Variants in TBR1 observed in about 807,000 individuals in gnomAD.
TBR1 encodes the protein T-box brain transcription factor 1.
TBR1 carries 7 observed loss-of-function variants against 60.3 expected under a neutral mutation model. The observed-to-expected ratio is 0.12, with a 90% confidence interval of 0.07 to 0.22. The LOEUF (loss-of-function observed/expected upper bound fraction) is 0.22, where lower values mean the gene tolerates loss of function less well. Among genes scored for constraint, TBR1 ranks in the 10% least tolerant of loss-of-function variants. The probability of loss-of-function intolerance (pLI) is 1.00; values close to 1 mark genes in which losing one functional copy is unlikely to be tolerated. For synonymous variants in TBR1, 417 were observed against 409.9 expected (o/e 1.02, Z -0.21); for missense variants, 616 against 936.8 (o/e 0.66, Z 4.47).
rs1574152292 is a variant in TBR1 at position 161,423,454 on chromosome 2, G to A, written c.1276G>A (p.Ala426Thr). 3 of 1,606,094 alleles carry A rather than the reference G, an allele frequency of 1.9e-6. No individual in the cohort carries two copies. In the East Asian group the frequency reaches 6.8e-5, roughly 36 times the overall value. The change falls in exon 6 of 6, where the codon GCC (alanine) becomes ACC (threonine). Residue 426 changes from alanine (A) to threonine (T), a missense_variant. Ala to Thr is a moderately conservative substitution (Grantham distance 58). Transcript: ENST00000389554. Reference sequence around the variant, plus strand: ...GCAGATCGTGCCCGGGGCCCGCTACGCCATGGCCGGCTCTTTCCTGCAGGA... The same window carrying A: ...GCAGATCGTGCCCGGGGCCCGCTACACCATGGCCGGCTCTTTCCTGCAGGA... ...RSQIVPGARYAMAGSFLQDQF... is the reference protein window; with the variant it reads ...RSQIVPGARYTMAGSFLQDQF...
rs372506999 is a variant in TBR1 at position 161,423,528 on chromosome 2, C to T, written c.1350C>T (p.Gly450=). The change falls in exon 6 of 6, where the codon GGC becomes GGT. Residue 450 remains glycine (G), a synonymous_variant. Transcript: ENST00000389554. ...AGGCCCGCTTCCACCCGGGCGCGGG[C>T]GCGGGCCCCGGGCCGGGTACGGACC... ...YAKARFHPGA[G]AGPGPGTDRS... 77 of 1,578,428 alleles carry T rather than the reference C, an allele frequency of 4.9e-5. No homozygotes were observed. The African/African-American group carries it at 9.7e-4, about 20-fold the overall frequency.
chr2:161,418,909 C>A lies in TBR1; in HGVS notation c.987C>A (p.Ser329=). 6.2e-7 allele frequency: 1 copy of A among 1,614,014 alleles called. No homozygotes were observed. Among genetic ancestry groups the A allele is most frequent in the East Asian group, 2.2e-5 (1 of 44,834 alleles). The part of the protein sequence containing the change: ...NNNGQMVVLQ[S]LHKYQPRLHV... ...CCGGACAGATGGTGGTTTTACAGTC[C>A]TTGCACAAGTACCAGCCCCGCCTGC... Residue 329 remains serine (S), a synonymous_variant, in exon 4 of 6, where the codon TCC becomes TCA. Transcript: ENST00000389554.
chr2:161,418,229 C>T lies in TBR1; in HGVS notation c.876C>T (p.Ser292=). The T allele has an allele frequency of 1.2e-6, 2 of 1,613,788 alleles. No homozygotes were observed. The highest frequency in any genetic ancestry group is 1.1e-5 in the South Asian group (1 of 91,042). Residue 292 remains serine, a synonymous_variant, in exon 3 of 6, where the codon TCC becomes TCT. Transcript: ENST00000389554. ...ATCGGGTCTATATGCATCCGGATTC[C>T]CCCAACACTGGGGCTCACTGGATGC... ...QGNRVYMHPD[S]PNTGAHWMRQ...
intron 5 of TBR1, chr2:161,421,701 C>A (rs190847530): frequency 6.6e-6 from 1 of 152,178 alleles, no homozygotes; most frequent in Non-Finnish European, 1.5e-5. Context: ...TGGTGATAAA[C>A]AGAGAAGATA....
rs765258977 is a variant in TBR1, at chr2:161,423,425, G to A, written c.1247G>A (p.Arg416His). Residue 416 changes from arginine (R) to histidine (H), a missense_variant, in exon 6 of 6, where the codon CGC becomes CAC. By Grantham distance (29) the Arg-to-His change is conservative. Around this residue, in one of 8 missense-constraint regions of TBR1, gnomAD observed 19 missense variants for 42.2 expected, o/e 0.45. Transcript: ENST00000389554. ...RLTPSPNDSP[R>H]SQIVPGARYA... ...ACCCCCTCGCCCAACGACTCGCCGC[G>A]CTCGCAGATCGTGCCCGGGGCCCGC... is the stretch of plus-strand genomic sequence containing the variant. The A allele has an allele frequency of 2.5e-6, 4 of 1,598,196 alleles. No individual in the cohort carries two copies. Among genetic ancestry groups the A allele is most frequent in the Non-Finnish European group, 3.4e-6 (4 of 1,172,906 alleles).
intron 5 of TBR1, 40 bp downstream of exon 5, chr2:161,420,297 A>G (rs764023842): frequency 1.3e-6 from 2 of 1,560,962 alleles, no homozygotes; most frequent in Admixed American, 3.4e-5. Context: ...TAGCTGTGGA[A>G]TTGGGCTTTA....
chr2:161,423,352 C>G lies in TBR1; in HGVS notation c.1191-17C>G. On this transcript the variant is annotated splice_polypyrimidine_tract_variant and intron_variant, in intron 5 of 5. Coordinates refer to ENST00000389554, the MANE Select transcript of TBR1 (RefSeq NM_006593.4). ...CGCCACCCCTCGGCTCTCTCTCTCT[C>G]TCTCCCTACCCCGCAGGATCTACAC... 8.9e-6 allele frequency: 12 copies of G among 1,355,424 alleles called. No individual in the cohort carries two copies. The highest frequency in any genetic ancestry group is 1.1e-5 in the Non-Finnish European group (11 of 1,027,756). The allele number at this position is 1,355,424 out of a possible 1,614,324, so 84.0% of individuals were successfully genotyped here.
rs1195456113 is a variant in TBR1, at chr2:161,425,198, T to C, written c.*971T>C. The C allele has an allele frequency of 6.6e-6, 1 of 152,232 alleles. No homozygotes were observed. Among genetic ancestry groups the C allele is most frequent in the Non-Finnish European group, 1.5e-5 (1 of 68,048 alleles). 9.4% of individuals were successfully genotyped at this position (152,232 alleles called of 1,614,324 possible). On this transcript the variant is annotated 3_prime_UTR_variant, in exon 6 of 6. Transcript: ENST00000389554. Reference sequence around the variant, plus strand: ...CAATATTATTTTGCCTTATTTGTTTTTCCCCAAAGTGCCAAATCCATTACT... The same window carrying C: ...CAATATTATTTTGCCTTATTTGTTTCTCCCCAAAGTGCCAAATCCATTACT...
chr2:161,417,505 T>A lies in TBR1; in HGVS notation c.693-171T>A. 1 of 850,570 alleles carries A rather than the reference T, an allele frequency of 1.2e-6. No individual in the cohort carries two copies. Among genetic ancestry groups the A allele is most frequent in the East Asian group, 2.7e-5 (1 of 37,710 alleles). The allele number at this position is 850,570 out of a possible 1,614,324, so 52.7% of individuals were successfully genotyped here. A position where few individuals can be genotyped will look rare whatever the true frequency, so the allele number is the denominator to read the frequency against. Reference sequence around the variant, plus strand: ...ACCCGCCGCTCTCCCTGATTTGGGTTGCACTTCTTTTCTTCTCCCACCACC... The same window carrying A: ...ACCCGCCGCTCTCCCTGATTTGGGTAGCACTTCTTTTCTTCTCCCACCACC... On this transcript the variant is annotated intron_variant, in intron 1 of 5. Coordinates refer to ENST00000389554, the MANE Select transcript of TBR1 (RefSeq NM_006593.4). This position sits in a 1 kb window ranked among gnomAD's most constrained non-coding sequence, Gnocchi z 5.3.
Position 161,424,258 on chromosome 2 carries a change from C to A in TBR1, c.*31C>A. ...CCCTGCCCGCCCGGCCCCGCCGCGG[C>A]CCGGACCCCCAGCCAGCCCCTCACA... On this transcript the variant is annotated 3_prime_UTR_variant, in exon 6 of 6. Transcript: ENST00000389554. This position sits in a 1 kb window ranked among gnomAD's most constrained non-coding sequence, Gnocchi z 4.4. The A allele has an allele frequency of 6.6e-7, 1 of 1,520,038 alleles. No individual in the cohort carries two copies. The highest frequency in any genetic ancestry group is 1.4e-5 in the African/African-American group (1 of 73,164). 94.2% of individuals were successfully genotyped at this position (1,520,038 alleles called of 1,614,324 possible). A position where few individuals can be genotyped will look rare whatever the true frequency, so the allele number is the denominator to read the frequency against.
chr2:161,420,424 T>TC (rs1684211619), intron 5 of TBR1, 167 bp downstream of exon 5: 1 of 242,438 alleles, frequency 4.1e-6, no homozygotes, highest in South Asian at 1.2e-4. Context: ...TCTTCTTTTT[T>TC]TTTTTTTTTT....
chr2:161,418,543 C>A, intron 3 of TBR1: 1 of 621,930 alleles, frequency 1.6e-6, no homozygotes, highest in Non-Finnish European at 2.7e-6. Flanking sequence ...GCCCGACCTT[C>A]CCAAGTACTA....
chr2:161,423,429 G>T lies in TBR1; in HGVS notation c.1251G>T (p.Ser417=). ...LTPSPNDSPR[S]QIVPGARYAM... is the part of the protein sequence containing the mutation. ...CCTCGCCCAACGACTCGCCGCGCTCGCAGATCGTGCCCGGGGCCCGCTACG... is the reference window on the plus strand; with the variant it reads ...CCTCGCCCAACGACTCGCCGCGCTCTCAGATCGTGCCCGGGGCCCGCTACG... The change falls in exon 6 of 6, where the codon TCG becomes TCT. Residue 417 remains serine (S), a synonymous_variant. Transcript: ENST00000389554. 6.2e-7 allele frequency: 1 copy of T among 1,600,812 alleles called. No homozygotes were observed. The highest frequency in any genetic ancestry group is 1.1e-5 in the South Asian group (1 of 89,242).
At chr2:161,418,825 C>G (rs1684178605) in intron 3 of TBR1, 67 bp from the exon 4 acceptor site, 1 of 1,548,100 alleles carries the variant, frequency 6.5e-7, no homozygotes, top group East Asian at 2.4e-5. Flanking sequence ...GCCGGGCGCA[C>G]ACAGCCACGC....
In TBR1 at chr2:161,420,315, G is replaced by A. The variant is rs1056495412; in HGVS notation, c.1190+58G>A. On this transcript the variant is annotated intron_variant, in intron 5 of 5. Coordinates refer to ENST00000389554, the MANE Select transcript of TBR1 (RefSeq NM_006593.4). ...CTGTGGAATTGGGCTTTAGGTCAAA[G>A]GTGTATTATTATGTACAAGGATTTT... The A allele has an allele frequency of 7.0e-6, 10 of 1,434,320 alleles. No individual in the cohort carries two copies. In the African/African-American group the frequency reaches 1.4e-4, roughly 20 times the overall value. 88.8% of individuals were successfully genotyped at this position (1,434,320 alleles called of 1,614,324 possible). A position where few individuals can be genotyped will look rare whatever the true frequency, so the allele number is the denominator to read the frequency against.
chr2:161,419,338 G>T, intron 4 of TBR1: 1 of 374,398 alleles, frequency 2.7e-6, no homozygotes, highest in Non-Finnish European at 4.8e-6. Context: ...TTTAATTTGG[G>T]CTTTGAACTA....
chr2:161,425,529 G>T lies in TBR1; in HGVS notation c.*1302G>T, dbSNP rs1464541682. The T allele has an allele frequency of 6.6e-6, 1 of 152,078 alleles. No individual in the cohort carries two copies. Among genetic ancestry groups the T allele is most frequent in the African/African-American group, 2.4e-5 (1 of 41,398 alleles). 9.4% of individuals were successfully genotyped at this position (152,078 alleles called of 1,614,324 possible). On this transcript the variant is annotated 3_prime_UTR_variant, in exon 6 of 6. Coordinates refer to ENST00000389554, the MANE Select transcript of TBR1 (RefSeq NM_006593.4). Reference sequence around the variant, plus strand: ...CCTAAGTCTTGTTATATTTGATAAGGAGCATTAATCCCCCTGGAAATAGAT... The same window carrying T: ...CCTAAGTCTTGTTATATTTGATAAGTAGCATTAATCCCCCTGGAAATAGAT...
chr2:161,423,482 A>G lies in TBR1; in HGVS notation c.1304A>G (p.Gln435Arg), dbSNP rs1684267174. 1 of 1,606,358 alleles carries G rather than the reference A, an allele frequency of 6.2e-7. No homozygotes were observed. Among genetic ancestry groups the G allele is most frequent in the Non-Finnish European group, 8.5e-7 (1 of 1,177,330 alleles). Reference sequence around the variant, plus strand: ...ATGGCCGGCTCTTTCCTGCAGGACCAGTTCGTGAGCAACTACGCCAAGGCC... The same window carrying G: ...ATGGCCGGCTCTTTCCTGCAGGACCGGTTCGTGAGCAACTACGCCAAGGCC... ...YAMAGSFLQD[Q>R]FVSNYAKARF... is the part of the protein sequence containing the mutation. Residue 435 changes from glutamine (Q) to arginine (R), a missense_variant, in exon 6 of 6, where the codon CAG (glutamine) becomes CGG (arginine). This residue lies in a region of TBR1 where 80 missense variants were observed against 75.3 expected (regional missense o/e 1.06). Transcript: ENST00000389554.
chr2:161,421,925 CTTCT>C (rs1421036638), intron 5 of TBR1: 1 of 110,162 alleles, frequency 9.1e-6, no homozygotes, highest in African/African-American at 3.6e-5. Context: ...TTCATAAAAG[CTTCT>C]TTATCTATAC....
Sources: gnomAD v4.1 joint callset for allele counts on GRCh38, gnomAD v4.1.1 for gene constraint, gnomAD v4.1.1 regional missense constraint, Gnocchi (gnomAD v3.1) non-coding constraint, MANE v1.5 for transcripts, NCBI Gene and HGNC (gene_info 2026-07-23, HGNC 2026-07-21) for gene names.